The following KRT86 variants were observed in gnomAD, a reference collection of about 807,000 sequenced individuals.
KRT86 encodes the protein keratin 86.
In KRT86, 30 loss-of-function variants were observed where a neutral mutation model predicts 41.2. That is an observed-to-expected ratio of 0.73 (90% CI 0.54 to 0.99). KRT86 has a LOEUF of 0.99. KRT86 is among the 50% of genes least tolerant of loss of function. The pLI is 0.00. For synonymous variants in KRT86, 238 were observed against 238.1 expected (o/e 1.00, Z 0.00); for missense variants, 561 against 571.4 (o/e 0.98, Z 0.19).
chr12:52,286,642 G>A (rs1387766938), intron 2 of KRT86: 2 of 1,172,096 alleles, frequency 1.7e-6, no homozygotes, highest in Non-Finnish European at 2.5e-6. Flanking sequence ...CAAGAGCTGG[G>A]GTCTTTTGGA....
At chr12:52,282,122 T>C (rs1021237930) in intron 2 of KRT86, among the ~76,000 whole-genome samples, 2 of 152,210 alleles carry the variant, frequency 1.3e-5, no homozygotes, top group Non-Finnish European at 2.9e-5. Context: ...CAGAGGGTTG[T>C]TTGAGAAAAG....
intron 2 of KRT86, among the ~76,000 whole-genome samples, chr12:52,279,855 A>G (rs1439906925): frequency 6.6e-6 from 1 of 152,116 alleles, no homozygotes; most frequent in Non-Finnish European, 1.5e-5. Flanking sequence ...TTCACTCTAC[A>G]CATACTTACT....
At chr12:52,296,555 G>A (rs1828459958) in intron 2 of KRT86, among the ~76,000 whole-genome samples, 2 of 152,186 alleles carry the variant, frequency 1.3e-5, no homozygotes, top group African/African-American at 4.8e-5. Context: ...GCATCTTACA[G>A]GGGCCTTCTG....
intron 2 of KRT86, among the ~76,000 whole-genome samples, chr12:52,283,971 G>A (rs937270259): frequency 6.6e-6 from 1 of 152,218 alleles, no homozygotes; most frequent in Non-Finnish European, 1.5e-5. Context: ...GGTGAGGATT[G>A]TGGGGCCGGA....
chr12:52,293,330 G>A (rs899349649), intron 2 of KRT86, among the ~76,000 whole-genome samples: 4 of 152,220 alleles, frequency 2.6e-5, no homozygotes, highest in African/African-American at 9.7e-5. Context: ...GGGTCAGGGA[G>A]GTTAAATAAC....
chr12:52,308,987 A>G lies in KRT86; in HGVS notation c.*402A>G. ...ATGTGCTTTTGCCTGTGGAATGGAG[A>G]CGCGGACCCTGGATAGTGGTTCTAT... On this transcript the variant is annotated 3_prime_UTR_variant, in exon 11 of 11. Transcript: ENST00000423955. 1 of 245,456 alleles carries G rather than the reference A, an allele frequency of 4.1e-6. No individual in the cohort carries two copies. The highest frequency in any genetic ancestry group is 5.5e-5 in the South Asian group (1 of 18,252). The allele number at this position is 245,456 out of a possible 1,614,324, so 15.2% of individuals were successfully genotyped here.
At chr12:52,281,914 A>C (rs1894034) in intron 2 of KRT86, among the ~76,000 whole-genome samples, 40,235 of 151,738 alleles carry the variant, frequency 0.27, 5,380 homozygotes, top group African/African-American at 0.28. Flanking sequence ...AATTAAAAAA[A>C]AAGTTTTGTA....
rs1938564459 is a variant in KRT86 at position 52,308,328 on chromosome 12, G to A, written c.1279+64G>A. The A allele has an allele frequency of 1.9e-6, 3 of 1,613,140 alleles. No homozygotes were observed. In the South Asian group the frequency reaches 3.3e-5, roughly 18 times the overall value. The stretch of plus-strand genomic sequence containing the variant: ...GTCTGGGAGCCTCTGGGCAAAGGGC[G>A]CGTGGGCTCGCAGCAAAGCCACTCA... On this transcript the variant is annotated intron_variant, in intron 10 of 10. Coordinates refer to ENST00000423955, the MANE Select transcript of KRT86 (RefSeq NM_001320198.2).
rs141697993 is a variant in KRT86, at chr12:52,291,729, G to T, written c.-4-10184G>T. Among the ~76,000 whole-genome samples the T allele has an allele frequency of 0.016, 2,463 of 152,192 alleles. 30 individuals are homozygous for T. Among genetic ancestry groups the T allele is most frequent in the Middle Eastern group, 0.058 (17 of 294 alleles). On this transcript the variant is annotated intron_variant, in intron 2 of 10. Transcript: ENST00000423955. The stretch of plus-strand genomic sequence containing the variant: ...AAGATGTCAGTCTTGGGCTCTGGGG[G>T]AGTCAGCATGTTTCATCTTCAAAGT...
chr12:52,306,377 C>A (rs1938519615), intron 9 of KRT86, 97 bp downstream of exon 9: 1 of 1,576,044 alleles, frequency 6.3e-7, no homozygotes, highest in Non-Finnish European at 8.7e-7. Flanking sequence ...TGTTTCTTAA[C>A]CTCCCCACCC....
chr12:52,299,451 G>T (rs1338053235), intron 2 of KRT86, among the ~76,000 whole-genome samples: 1 of 152,150 alleles, frequency 6.6e-6, no homozygotes, highest in Non-Finnish European at 1.5e-5. Context: ...CTTTCTTTTG[G>T]ATGTATACCT....
Position 52,308,516 on chromosome 12 carries a change from G to T in KRT86, c.1392G>T (p.Val464=). Residue 464 remains valine, a synonymous_variant, in exon 11 of 11, where the codon GTG becomes GTT. Coordinates refer to ENST00000423955, the MANE Select transcript of KRT86 (RefSeq NM_001320198.2). Reference sequence around the variant, plus strand: ...TCCCCAGCAACAGCAACGTGGTGGTGGGCACTACTAACGCCTGCGCCCCCT... The same window carrying T: ...TCCCCAGCAACAGCAACGTGGTGGTTGGCACTACTAACGCCTGCGCCCCCT... ...SSVPSNSNVV[V]GTTNACAPSA... 1 of 1,605,938 alleles carries T rather than the reference G, an allele frequency of 6.2e-7. No homozygotes were observed.
intron 9 of KRT86, 105 bp downstream of exon 9, chr12:52,306,385 C>G: frequency 1.3e-6 from 2 of 1,555,030 alleles, no homozygotes; most frequent in South Asian, 2.3e-5. Context: ...AACCTCCCCA[C>G]CCTGCAACCA....
chr12:52,304,569 G>A (rs552614724), intron 5 of KRT86, among the ~76,000 whole-genome samples: 7 of 151,950 alleles, frequency 4.6e-5, no homozygotes, highest in Non-Finnish European at 7.4e-5. Context: ...GGGGGATGGA[G>A]AAGAACCAGG....
In KRT86 at chr12:52,301,861, G is replaced by T. The variant is rs1297797799; in HGVS notation, c.-4-52G>T. ...GAACGCCTGACGCCCCGACCACTGT[G>T]CTCTCCATTCGGACGTCTCCATCCT... On this transcript the variant is annotated intron_variant, in intron 2 of 10. Transcript: ENST00000423955. 53 of 1,613,462 alleles carry T rather than the reference G, an allele frequency of 3.3e-5. No homozygotes were observed. In the Admixed American group the frequency reaches 8.7e-4, roughly 26 times the overall value.
At position 52,305,749 on chromosome 12, in the gene KRT86, C is replaced by G; in HGVS notation, c.987C>G (p.Ile329Met). ...KEEINELNRM[I>M]QRLTAEVENA... ...AGATCAACGAGCTGAACCGCATGAT[C>G]CAGAGGCTGACGGCTGAGGTGGAGA... The change falls in exon 8 of 11, where the codon ATC becomes ATG. Residue 329 changes from isoleucine (I) to methionine (M), a missense_variant. This residue lies in a region of KRT86 where 397 missense variants were observed against 375.9 expected (regional missense o/e 1.06). Transcript: ENST00000423955. 7 of 1,614,028 alleles carry G rather than the reference C, an allele frequency of 4.3e-6. No individual in the cohort carries two copies. Among genetic ancestry groups the G allele is most frequent in the Non-Finnish European group, 5.9e-6 (7 of 1,179,904 alleles).
At chr12:52,297,522 G>A (rs1938278629) in intron 2 of KRT86, among the ~76,000 whole-genome samples, 1 of 152,094 alleles carries the variant, frequency 6.6e-6, no homozygotes, top group East Asian at 1.9e-4. Context: ...TACCCTCCAG[G>A]GAGCAGAATG....
intron 2 of KRT86, chr12:52,288,055 C>A: frequency 1.2e-6 from 2 of 1,614,224 alleles, no homozygotes; most frequent in Non-Finnish European, 8.5e-7. Flanking sequence ...GCCTTAATCT[C>A]GGCAATGATG....
intron 2 of KRT86, among the ~76,000 whole-genome samples, chr12:52,295,974 C>T (rs1195973469): frequency 6.6e-6 from 1 of 151,908 alleles, no homozygotes; most frequent in Non-Finnish European, 1.5e-5. Flanking sequence ...GTCCTTCAAC[C>T]AAGCAAAGTC....
Sources: allele counts gnomAD v4.1 joint callset (sites outside exome capture counted in the v4.1 genomes callset), GRCh38; gene constraint gnomAD v4.1.1; regional missense constraint gnomAD v4.1.1; transcripts MANE v1.5; gene names NCBI Gene and HGNC (gene_info 2026-07-23, HGNC 2026-07-21).